SGPL1: variants seen among roughly 807,000 people sequenced by gnomAD.
SGPL1 encodes sphingosine-1-phosphate lyase 1, also known as SP-lyase 1.
SGPL1 carries 37 observed loss-of-function variants against 68.9 expected under a neutral mutation model. That is an observed-to-expected ratio of 0.54 (90% CI 0.41 to 0.71). The LOEUF is 0.71. Among genes scored for constraint, SGPL1 ranks in the 30% least tolerant of loss-of-function variants. The pLI, the probability that SGPL1 is intolerant of heterozygous loss-of-function variation, is 0.00. For missense variants in SGPL1, 551 were observed against 704.6 expected (o/e 0.78, Z 2.47); for synonymous variants, 236 against 248.5 (o/e 0.95, Z 0.47).
At position 70,836,107 on chromosome 10, in the gene SGPL1, A is replaced by G. The variant is rs151262771; in HGVS notation, c.28-8366A>G. 3.4e-3 allele frequency among the ~76,000 whole-genome samples: 512 copies of G among 152,320 alleles called. 2 individuals are homozygous for G. The highest frequency in any genetic ancestry group is 0.012 in the African/African-American group (484 of 41,564). On this transcript the variant is annotated intron_variant, in intron 2 of 14. Coordinates refer to ENST00000373202, the MANE Select transcript of SGPL1 (RefSeq NM_003901.4). ...ATTGCCACATTTTCCTTGGCAGGGA[A>G]TCTGTGTGCCTGTGGCAGTTCAGAA...
chr10:70,851,338 C>T, intron 4 of SGPL1, 128 bp downstream of exon 4: 1 of 772,652 alleles, frequency 1.3e-6, no homozygotes, highest in Non-Finnish European at 2.2e-6. Context: ...GGACACTTGG[C>T]AGCATTTGGA....
At chr10:70,872,051 T>C (rs1846307439) in intron 11 of SGPL1, 65 bp downstream of exon 11, 3 of 1,498,092 alleles carry the variant, frequency 2.0e-6, no homozygotes, top group African/African-American at 2.8e-5. Flanking sequence ...TAAAATAAAT[T>C]GGTAGCTTCC....
chr10:70,863,703 A>G (rs953735400), intron 7 of SGPL1, among the ~76,000 whole-genome samples: 10 of 152,224 alleles, frequency 6.6e-5, no homozygotes, highest in Admixed American at 2.6e-4. Context: ...TCTGACCACA[A>G]ACTCACATAA....
At chr10:70,842,297 A>G (rs1232914413) in intron 2 of SGPL1, among the ~76,000 whole-genome samples, 1 of 152,230 alleles carries the variant, frequency 6.6e-6, no homozygotes, top group East Asian at 1.9e-4. Context: ...TGCTAGGTCA[A>G]AACGAACATG....
At chr10:70,875,796 C>T (rs917795732) in intron 13 of SGPL1, among the ~76,000 whole-genome samples, 13 of 152,208 alleles carry the variant, frequency 8.5e-5, no homozygotes, top group African/African-American at 3.1e-4. Context: ...AGGTTTTTCT[C>T]TCAGTCTCTA....
At chr10:70,842,568 C>T (rs1430713713) in intron 2 of SGPL1, among the ~76,000 whole-genome samples, 1 of 152,124 alleles carries the variant, frequency 6.6e-6, no homozygotes, top group Non-Finnish European at 1.5e-5. Context: ...GAAGGCAAAA[C>T]TTGAGCAGGC....
intron 11 of SGPL1, among the ~76,000 whole-genome samples, chr10:70,872,533 A>G (rs1846314497): frequency 6.6e-6 from 1 of 152,268 alleles, no homozygotes; most frequent in African/African-American, 2.4e-5. Flanking sequence ...AGTCTAGATC[A>G]GTTGATAACG....
chr10:70,817,963 T>G (rs1353998397), intron 2 of SGPL1, among the ~76,000 whole-genome samples: 1 of 152,234 alleles, frequency 6.6e-6, no homozygotes, highest in Non-Finnish European at 1.5e-5. Context: ...AGAATAGCGT[T>G]GCTAAATGCA....
intron 9 of SGPL1, 34 bp from the exon 10 acceptor site, chr10:70,871,014 G>C: frequency 6.4e-7 from 1 of 1,562,662 alleles, no homozygotes; most frequent in South Asian, 1.1e-5. Flanking sequence ...TTGTGACATA[G>C]ATTCTCATTT....
At position 70,854,833 on chromosome 10, in the gene SGPL1, A is replaced by G. The variant is rs1190902278; in HGVS notation, c.387A>G (p.Lys129=). The change falls in exon 5 of 15, where the codon AAA becomes AAG. Residue 129 remains lysine (K), a synonymous_variant. Coordinates refer to ENST00000373202, the MANE Select transcript of SGPL1 (RefSeq NM_003901.4). ...QGLSSSAVLE[K]LKEYSSMDAF... The stretch of plus-strand genomic sequence containing the variant: ...TGAGCTCATCTGCTGTTTTGGAGAA[A>G]CTTAAGGAGTACAGCTCTATGGGTA... 1.9e-6 allele frequency: 3 copies of G among 1,612,376 alleles called. No individual in the cohort carries two copies. Among genetic ancestry groups the G allele is most frequent in the East Asian group, 2.2e-5 (1 of 44,854 alleles).
At chr10:70,872,052 G>A in intron 11 of SGPL1, 66 bp downstream of exon 11, 2 of 1,491,428 alleles carry the variant, frequency 1.3e-6, no homozygotes, top group Non-Finnish European at 1.8e-6. Flanking sequence ...AAAATAAATT[G>A]GTAGCTTCCC....
At chr10:70,860,165 G>A (rs752675308) in intron 7 of SGPL1, among the ~76,000 whole-genome samples, 3 of 152,060 alleles carry the variant, frequency 2.0e-5, no homozygotes, top group East Asian at 1.9e-4. Context: ...GTTAGTTTTC[G>A]TAAACTATGA....
chr10:70,872,457 C>T lies in SGPL1; in HGVS notation c.1059+471C>T, dbSNP rs114182169. 8.4e-3 allele frequency among the ~76,000 whole-genome samples: 1,279 copies of T among 152,288 alleles called. 27 individuals carry two copies. Among genetic ancestry groups the T allele is most frequent in the African/African-American group, 0.029 (1,220 of 41,552 alleles). On this transcript the variant is annotated intron_variant, in intron 11 of 14. Transcript: ENST00000373202. ...GAGTCCTTTGGAAAATGGGAAGAAC[C>T]TGTGTGCTCAGGAACATTCAGCATT...
intron 3 of SGPL1, among the ~76,000 whole-genome samples, chr10:70,846,394 A>G (rs1367040375): frequency 1.3e-5 from 2 of 152,192 alleles, no homozygotes; most frequent in Non-Finnish European, 2.9e-5. Flanking sequence ...TCATTAAAAA[A>G]AAAATCAGTC....
chr10:70,866,851 A>G (rs546464080), intron 7 of SGPL1: 1 of 152,208 alleles, frequency 6.6e-6, no homozygotes, highest in Non-Finnish European at 1.5e-5. Flanking sequence ...TTCATCTTCC[A>G]TATAACTCCT....
At chr10:70,836,935 CAAATA>C (rs895416401) in intron 2 of SGPL1, among the ~76,000 whole-genome samples, 2 of 151,732 alleles carry the variant, frequency 1.3e-5, no homozygotes, top group East Asian at 1.9e-4. Flanking sequence ...TTATAAAATA[CAAATA>C]AAATAACATG....
At chr10:70,854,639 GTCATAA>G (rs1845933822) in intron 4 of SGPL1, 63 bp from the exon 5 acceptor site, 8 of 1,407,478 alleles carry the variant, frequency 5.7e-6, no homozygotes, top group Middle Eastern at 1.9e-4. Context: ...TTGCTTGACT[GTCATAA>G]TAATTCTGCT....
chr10:70,836,937 A>G (rs927489914), intron 2 of SGPL1, among the ~76,000 whole-genome samples: 9 of 152,278 alleles, frequency 5.9e-5, no homozygotes, highest in African/African-American at 2.2e-4. Flanking sequence ...ATAAAATACA[A>G]ATAAAATAAC....
At chr10:70,819,029 C>G (rs773093559) in intron 2 of SGPL1, among the ~76,000 whole-genome samples, 1 of 152,158 alleles carries the variant, frequency 6.6e-6, no homozygotes, top group Non-Finnish European at 1.5e-5. Context: ...TGTTTATCCT[C>G]TTACAGAAGG....
Sources: gnomAD v4.1 joint callset for allele counts (sites outside exome capture counted in the v4.1 genomes callset) on GRCh38, gnomAD v4.1.1 for gene constraint, MANE v1.5 for transcripts, NCBI Gene and HGNC (gene_info 2026-07-23, HGNC 2026-07-21) for gene names.